The following GRIK2 variants were observed in gnomAD, a reference collection of about 807,000 sequenced individuals.
GRIK2 encodes the protein glutamate ionotropic receptor kainate type subunit 2.
In GRIK2, 32 loss-of-function variants were observed where a neutral mutation model predicts 100.3. The ratio of observed to expected loss-of-function variants is 0.32; its 90% CI spans 0.24 to 0.43. The LOEUF is 0.43. GRIK2 is among the 20% of genes least tolerant of loss of function. The pLI, the probability that GRIK2 is intolerant of heterozygous loss-of-function variation, is 1.00. For missense variants in GRIK2, 843 were observed against 1,114.9 expected (o/e 0.76, Z 3.47); for synonymous variants, 417 against 389.4 (o/e 1.07, Z -0.83).
At chr6:101,456,011 T>A (rs1770990272) in intron 2 of GRIK2, among the ~76,000 whole-genome samples, 2 of 151,986 alleles carry the variant, frequency 1.3e-5, no homozygotes, top group Admixed American at 1.3e-4. Flanking sequence ...CATGGCATGT[T>A]TGATTCATGA....
chr6:101,455,537 C>T (rs994198286), intron 2 of GRIK2, among the ~76,000 whole-genome samples: 3 of 151,846 alleles, frequency 2.0e-5, no homozygotes, highest in East Asian at 1.9e-4. Flanking sequence ...GTTATAGGAG[C>T]CATGCCTTAA....
rs772462160 is a variant in GRIK2 at position 101,465,946 on chromosome 6, A to G, written c.115+66554A>G. 3.9e-4 allele frequency among the ~76,000 whole-genome samples: 59 copies of G among 152,344 alleles called. 1 individual carries two copies. Among genetic ancestry groups the G allele is most frequent in the Admixed American group, 9.8e-4 (15 of 15,306 alleles). Reference sequence around the variant, plus strand: ...CTAGAGGGAGGCAATGTCTAAAAGCATGAGGTAAGATTGTCTTCCCACATG... The same window carrying G: ...CTAGAGGGAGGCAATGTCTAAAAGCGTGAGGTAAGATTGTCTTCCCACATG... On this transcript the variant is annotated intron_variant, in intron 2 of 16. Coordinates refer to ENST00000369134, the MANE Select transcript of GRIK2 (RefSeq NM_021956.5).
rs569610712 is a variant in GRIK2, at chr6:101,824,846, GATACGGAAGGCT to G, written c.1317+6364_1317+6375del. On this transcript the variant is annotated intron_variant, in intron 10 of 16. Transcript: ENST00000369134. Reference sequence around the variant, plus strand: ...TAAAGCTTTTGTGTCACAGCCCACAGATACGGAAGGCTTACTGGGAAGCAAATTTCCAATGAC... The same window carrying G: ...TAAAGCTTTTGTGTCACAGCCCACAGTACTGGGAAGCAAATTTCCAATGAC... Among the ~76,000 whole-genome samples, 161 of 152,316 alleles carry G rather than the reference GATACGGAAGGCT, an allele frequency of 1.1e-3. 2 individuals carry two copies. The East Asian group carries it at 0.021, about 20-fold the overall frequency.
chr6:101,794,596 C>T (rs897955984), intron 7 of GRIK2, among the ~76,000 whole-genome samples: 1 of 151,488 alleles, frequency 6.6e-6, no homozygotes. Context: ...TATATGATGT[C>T]TATCTCTTTA....
chr6:101,923,803 C>G (rs577883673), intron 12 of GRIK2, among the ~76,000 whole-genome samples: 84 of 151,738 alleles, frequency 5.5e-4, no homozygotes, highest in African/African-American at 1.9e-3. Flanking sequence ...CACCTGTAGT[C>G]ACAGCTACTC....
intron 4 of GRIK2, among the ~76,000 whole-genome samples, chr6:101,656,867 T>C (rs1769227354): frequency 6.6e-6 from 1 of 152,156 alleles, no homozygotes; most frequent in South Asian, 2.1e-4. Flanking sequence ...TAACGGGAAA[T>C]AGATCCTTAA....
chr6:101,579,868 A>AG (rs1777990183), intron 2 of GRIK2, among the ~76,000 whole-genome samples: 1 of 150,842 alleles, frequency 6.6e-6, no homozygotes. Context: ...AAAAAAAAAA[A>AG]GAAATGCATT....
intron 11 of GRIK2, among the ~76,000 whole-genome samples, chr6:101,873,044 T>C (rs1049660772): frequency 6.6e-6 from 1 of 151,946 alleles, no homozygotes; most frequent in Non-Finnish European, 1.5e-5. Flanking sequence ...ATTATGCATT[T>C]ATTTAGGAAG....
intron 10 of GRIK2, among the ~76,000 whole-genome samples, chr6:101,849,877 C>CA (rs971573033): frequency 1.2e-4 from 16 of 128,544 alleles, no homozygotes; most frequent in Admixed American, 5.5e-4. Flanking sequence ...AAAAAGGCAC[C>CA]ATTAGGTAAT....
chr6:101,457,800 G>A (rs752388012), intron 2 of GRIK2, among the ~76,000 whole-genome samples: 17 of 152,072 alleles, frequency 1.1e-4, no homozygotes, highest in Non-Finnish European at 2.2e-4. Flanking sequence ...AGCCATGCTT[G>A]ATTAAACAGT....
chr6:101,897,790 C>A (rs1787566744), intron 12 of GRIK2, among the ~76,000 whole-genome samples: 1 of 151,734 alleles, frequency 6.6e-6, no homozygotes, highest in African/African-American at 2.4e-5. Context: ...GAGTACTGTG[C>A]TCATAAAAAG....
At chr6:101,922,231 A>G (rs756001943) in intron 12 of GRIK2, among the ~76,000 whole-genome samples, 4 of 151,660 alleles carry the variant, frequency 2.6e-5, no homozygotes, top group Non-Finnish European at 4.4e-5. Flanking sequence ...TTTCAAATGT[A>G]TATGTATAAA....
intron 7 of GRIK2, among the ~76,000 whole-genome samples, chr6:101,788,670 T>A (rs1779606927): frequency 6.6e-6 from 1 of 152,220 alleles, no homozygotes; most frequent in Non-Finnish European, 1.5e-5. Context: ...GCAATAAACA[T>A]ACATGTGCAT....
rs572341574 is a variant in GRIK2, at chr6:101,541,307, T to C, written c.116-80642T>C. Among the ~76,000 whole-genome samples the C allele has an allele frequency of 6.5e-4, 98 of 150,862 alleles. No individual in the cohort carries two copies. The South Asian group carries it at 8.0e-3, about 12-fold the overall frequency. On this transcript the variant is annotated intron_variant, in intron 2 of 16. Coordinates refer to ENST00000369134, the MANE Select transcript of GRIK2 (RefSeq NM_021956.5). The stretch of plus-strand genomic sequence containing the variant: ...TTGGCTGAGAGTGTTATATCGAAGA[T>C]GGGATGGGCTAGGAATTAGAAGTCG...
At chr6:101,654,214 T>C (rs1291112797) in intron 4 of GRIK2, among the ~76,000 whole-genome samples, 1 of 152,152 alleles carries the variant, frequency 6.6e-6, no homozygotes, top group Non-Finnish European at 1.5e-5. Flanking sequence ...TCTGCTGCTC[T>C]AAAATCAAGG....
intron 14 of GRIK2, among the ~76,000 whole-genome samples, chr6:101,935,737 TC>T (rs1790574587): frequency 6.6e-6 from 1 of 151,992 alleles, no homozygotes; most frequent in African/African-American, 2.4e-5. Context: ...CTACTTCTGC[TC>T]CTTTCCTTGT....
chr6:101,397,935 TAATA>T (rs770466043), intron 1 of GRIK2, among the ~76,000 whole-genome samples: 18 of 152,142 alleles, frequency 1.2e-4, no homozygotes, highest in Non-Finnish European at 2.4e-4. Flanking sequence ...TGTATATTTT[TAATA>T]AATAGACAGA....
At chr6:101,900,432 G>A (rs1297942164) in intron 12 of GRIK2, among the ~76,000 whole-genome samples, 4 of 152,214 alleles carry the variant, frequency 2.6e-5, no homozygotes, top group South Asian at 4.1e-4. Flanking sequence ...AGCCGAGATC[G>A]CGCCATTGCA....
intron 7 of GRIK2, among the ~76,000 whole-genome samples, chr6:101,712,702 G>A (rs1773801481): frequency 6.6e-6 from 1 of 151,844 alleles, no homozygotes; most frequent in African/African-American, 2.4e-5. Flanking sequence ...TATCACCATT[G>A]AGGGATACAG....
Sources: allele counts gnomAD v4.1 joint callset (sites outside exome capture counted in the v4.1 genomes callset), GRCh38; gene constraint gnomAD v4.1.1; transcripts MANE v1.5; gene names NCBI Gene and HGNC (gene_info 2026-07-23, HGNC 2026-07-21).